MARCHF1: variants seen among roughly 807,000 people sequenced by gnomAD.
MARCHF1 encodes the protein E3 ubiquitin-protein ligase MARCHF1.
MARCHF1 carries 40 observed loss-of-function variants against 54.2 expected under a neutral mutation model. The ratio of observed to expected loss-of-function variants is 0.74; its 90% CI spans 0.57 to 0.96. The LOEUF is 0.96. Among genes scored for constraint, MARCHF1 ranks in the 40% least tolerant of loss-of-function variants. The pLI is 0.00. For missense variants in MARCHF1, 586 were observed against 656.5 expected, an observed-to-expected ratio of 0.89 and a Z score of 1.17; for synonymous variants, 236 against 236.3, an observed-to-expected ratio of 1.00 and a Z score of 0.01.
chr4:164,253,334 C>T (rs1733178673), intron 1 of MARCHF1, among the ~76,000 whole-genome samples: 2 of 152,148 alleles, frequency 1.3e-5, no homozygotes. Context: ...AGAAAGTGGA[C>T]TACTCAACCT....
chr4:163,765,316 C>A (rs1746943074), intron 4 of MARCHF1, among the ~76,000 whole-genome samples: 1 of 152,046 alleles, frequency 6.6e-6, no homozygotes, highest in Non-Finnish European at 1.5e-5. Context: ...TTCTGATATT[C>A]AAAGACTATT....
chr4:164,144,225 G>C (rs1464062532), intron 1 of MARCHF1, among the ~76,000 whole-genome samples: 13 of 150,904 alleles, frequency 8.6e-5, no homozygotes, highest in Non-Finnish European at 1.5e-4. Context: ...AATAATGGGA[G>C]ACTTTAACAC....
rs1418868343 is a variant in MARCHF1 at position 163,526,952 on chromosome 4, G to T, written c.*1796C>A. 1 of 151,014 alleles carries T rather than the reference G, an allele frequency of 6.6e-6. No homozygotes were observed. Among genetic ancestry groups the T allele is most frequent in the Non-Finnish European group, 1.5e-5 (1 of 67,590 alleles). The allele number at this position is 151,014 out of a possible 1,614,324, so 9.4% of individuals were successfully genotyped here. The stretch of plus-strand genomic sequence containing the variant: ...TATACCATCTTTCTCCTCATTTAAA[G>T]GTTTGTTTTTTTTTTCCCTTTTTCC... On this transcript the variant is annotated 3_prime_UTR_variant, in exon 10 of 10. Transcript: ENST00000514618.
intron 1 of MARCHF1, among the ~76,000 whole-genome samples, chr4:164,276,947 T>TATATATATATAGAGAG (rs1392528920): frequency 7.6e-4 from 90 of 118,790 alleles, no homozygotes; most frequent in Middle Eastern, 5.2e-3. Flanking sequence ...TATATATATA[T>TATATATATATAGAGAG]AGAGAGAGAG....
chr4:163,604,571 C>T (rs1244802079), intron 7 of MARCHF1, among the ~76,000 whole-genome samples: 1 of 152,138 alleles, frequency 6.6e-6, no homozygotes, highest in Non-Finnish European at 1.5e-5. Context: ...TATTTTCCAA[C>T]AGCAGCCTAA....
chr4:164,199,632 TCACACACACACACACACA>T (rs376565727), intron 1 of MARCHF1, among the ~76,000 whole-genome samples: 53 of 114,848 alleles, frequency 4.6e-4, no homozygotes, highest in Admixed American at 9.5e-4. Flanking sequence ...CAGGACTCTG[TCACACACACACACACACA>T]CACACACACA....
At chr4:163,566,770 G>A (rs1739657912) in intron 8 of MARCHF1, among the ~76,000 whole-genome samples, 1 of 152,116 alleles carries the variant, frequency 6.6e-6, no homozygotes, top group Non-Finnish European at 1.5e-5. Context: ...CATCAACAAT[G>A]GTTCACTGAC....
chr4:164,155,634 T>A (rs1730057069), intron 1 of MARCHF1, among the ~76,000 whole-genome samples: 1 of 152,122 alleles, frequency 6.6e-6, no homozygotes, highest in Admixed American at 6.6e-5. Flanking sequence ...AAATAATGTA[T>A]ACATTGACAT....
chr4:164,027,362 TAAAAAAAAAAAAAA>T (rs59453843), intron 2 of MARCHF1, among the ~76,000 whole-genome samples: 9 of 10,788 alleles, frequency 8.3e-4, no homozygotes, highest in African/African-American at 1.0e-3. Flanking sequence ...ATGGTACAGG[TAAAAAAAAAAAAAA>T]AAAAAAAAAA....
At chr4:164,070,223 A>G (rs776051531) in intron 2 of MARCHF1, among the ~76,000 whole-genome samples, 1 of 152,172 alleles carries the variant, frequency 6.6e-6, no homozygotes. Context: ...TATACCCCCT[A>G]TATCTAAAAT....
In MARCHF1 at chr4:163,805,763, G is replaced by A. The variant is rs919370995; in HGVS notation, c.111+48258C>T. The stretch of plus-strand genomic sequence containing the variant: ...GCCACAACATTAGTTGCTCTGACAC[G>A]ATAAAATAATTATGATCAATGCTGT... On this transcript the variant is annotated intron_variant, in intron 4 of 9. Transcript: ENST00000514618. 2.6e-5 allele frequency among the ~76,000 whole-genome samples: 4 copies of A among 152,050 alleles called. 1 individual carries two copies. Among genetic ancestry groups the A allele is most frequent in the South Asian group, 4.1e-4 (2 of 4,824 alleles).
At chr4:164,089,756 C>T (rs1233676437) in intron 2 of MARCHF1, among the ~76,000 whole-genome samples, 2 of 151,860 alleles carry the variant, frequency 1.3e-5, no homozygotes, top group African/African-American at 4.8e-5. Flanking sequence ...AAGGGCTCAT[C>T]CTCAGAGTTA....
intron 2 of MARCHF1, among the ~76,000 whole-genome samples, chr4:164,061,900 T>A (rs1352827934): frequency 6.6e-6 from 1 of 152,154 alleles, no homozygotes; most frequent in African/African-American, 2.4e-5. Context: ...CAGACTGAGA[T>A]GACTATGGCA....
chr4:164,322,638 CT>C (rs1243016158), intron 1 of MARCHF1, among the ~76,000 whole-genome samples: 2 of 151,986 alleles, frequency 1.3e-5, no homozygotes, highest in African/African-American at 4.8e-5. Flanking sequence ...TCATGATGTT[CT>C]TGTTTTACAT....
intron 3 of MARCHF1, among the ~76,000 whole-genome samples, chr4:163,903,598 TC>T (rs1750988309): frequency 9.4e-6 from 1 of 106,358 alleles, no homozygotes; most frequent in Non-Finnish European, 1.9e-5. Context: ...TTTTATTTTT[TC>T]TTTCTTTCTT....
chr4:163,890,906 T>C (rs1750647583), intron 3 of MARCHF1, among the ~76,000 whole-genome samples: 2 of 152,070 alleles, frequency 1.3e-5, no homozygotes, highest in African/African-American at 4.8e-5. Flanking sequence ...TTTTTTTTGT[T>C]TCCTAGTATA....
chr4:163,818,267 A>AT (rs1249999796), intron 4 of MARCHF1, among the ~76,000 whole-genome samples: 1 of 151,724 alleles, frequency 6.6e-6, no homozygotes. Flanking sequence ...TTTTATTATT[A>AT]TTTTTTTAAG....
At chr4:163,923,916 TTA>T (rs1553963560) in intron 3 of MARCHF1, among the ~76,000 whole-genome samples, 2 of 151,544 alleles carry the variant, frequency 1.3e-5, no homozygotes. Context: ...AATGGATACT[TTA>T]TTTTTAAAAA....
At chr4:163,699,918 C>T (rs1178693142) in intron 5 of MARCHF1, among the ~76,000 whole-genome samples, 2 of 151,136 alleles carry the variant, frequency 1.3e-5, no homozygotes, top group Non-Finnish European at 2.9e-5. Context: ...CTTTTCAACA[C>T]TCTGGGGTCC....
Sources: allele counts gnomAD v4.1 joint callset (sites outside exome capture counted in the v4.1 genomes callset), GRCh38; gene constraint gnomAD v4.1.1; transcripts MANE v1.5; gene names NCBI Gene and HGNC (gene_info 2026-07-23, HGNC 2026-07-21).